Variants in SOCS7 observed in about 807,000 individuals in gnomAD.
The protein encoded by SOCS7 is NAP-4.
SOCS7 carries 18 observed loss-of-function variants against 58.9 expected under a neutral mutation model. The ratio of observed to expected loss-of-function variants is 0.31; its 90% CI spans 0.21 to 0.45. The LOEUF (loss-of-function observed/expected upper bound fraction) is 0.45. Ranked by LOEUF, SOCS7 falls within the 20% of genes least tolerant of loss-of-function variation. The probability of loss-of-function intolerance (pLI) is 1.00; values close to 1 mark genes in which losing one functional copy is unlikely to be tolerated. For synonymous variants in SOCS7, 388 were observed against 364.3 expected (o/e 1.06, Z -0.74); for missense variants, 667 against 837.3 (o/e 0.80, Z 2.51).
intron 6 of SOCS7, among the ~76,000 whole-genome samples, chr17:38,376,548 G>A (rs375742687): frequency 3.0e-4 from 45 of 151,910 alleles, no homozygotes; most frequent in African/African-American, 1.0e-3. Context: ...CCTGACCAAC[G>A]TGGTGAAACC....
intron 7 of SOCS7, among the ~76,000 whole-genome samples, chr17:38,379,090 A>T (rs41434251): frequency 0.048 from 7,272 of 150,538 alleles, 200 homozygotes; most frequent in Middle Eastern, 0.21. Context: ...CCTGGGAGGC[A>T]GAGGCTGCAA....
intron 7 of SOCS7, among the ~76,000 whole-genome samples, chr17:38,388,122 C>T (rs1300866550): frequency 6.6e-6 from 1 of 151,950 alleles, no homozygotes; most frequent in African/African-American, 2.4e-5. Flanking sequence ...TATTGAAGCT[C>T]GTATTGTCTC....
At chr17:38,396,092 C>A (rs2038241755) in intron 9 of SOCS7, 94 bp downstream of exon 9, 2 of 1,050,336 alleles carry the variant, frequency 1.9e-6, no homozygotes, top group African/African-American at 1.6e-5. Context: ...CAACTCCCAA[C>A]ATGGATAGCC....
At chr17:38,372,659 T>A (rs1373647281) in intron 6 of SOCS7, among the ~76,000 whole-genome samples, 4 of 152,220 alleles carry the variant, frequency 2.6e-5, no homozygotes, top group African/African-American at 9.7e-5. Context: ...TGGGACCCAC[T>A]AGTGCCACTA....
chr17:38,366,038 G>A, intron 4 of SOCS7: 1 of 1,298,518 alleles, frequency 7.7e-7, no homozygotes, highest in African/African-American at 1.5e-5. Flanking sequence ...AGTAAGGTTA[G>A]TGAGCAGCTC....
At chr17:38,388,985 T>A (rs1400442538) in intron 7 of SOCS7, among the ~76,000 whole-genome samples, 1 of 152,228 alleles carries the variant, frequency 6.6e-6, no homozygotes, top group Non-Finnish European at 1.5e-5. Flanking sequence ...TTCAATTCTC[T>A]TGGATATATT....
At chr17:38,391,837 C>T (rs1486938746) in intron 7 of SOCS7, among the ~76,000 whole-genome samples, 1 of 152,146 alleles carries the variant, frequency 6.6e-6, no homozygotes, top group African/African-American at 2.4e-5. Flanking sequence ...AGATGTGATT[C>T]CTTATCTGAT....
At chr17:38,366,846 A>G (rs775994901) in intron 5 of SOCS7, among the ~76,000 whole-genome samples, 1 of 152,186 alleles carries the variant, frequency 6.6e-6, no homozygotes, top group Non-Finnish European at 1.5e-5. Flanking sequence ...CCATATTTAC[A>G]GTGACAAAAC....
chr17:38,352,814 G>A lies in SOCS7; in HGVS notation c.762G>A (p.Pro254=). 1 of 1,556,844 alleles carries A rather than the reference G, an allele frequency of 6.4e-7. No homozygotes were observed. The highest frequency in any genetic ancestry group is 8.7e-7 in the Non-Finnish European group (1 of 1,151,002). The change falls in exon 1 of 10, where the codon CCG becomes CCA. Residue 254 remains proline (P), a synonymous_variant. Coordinates refer to ENST00000612932, the MANE Select transcript of SOCS7 (RefSeq NM_014598.4). This position sits in a 1 kb window ranked among gnomAD's most constrained non-coding sequence, Gnocchi z 5.5. ...QQQQQQQQPP[P]PPPPPGPLRP... ...AGCAGCAGCAGCAGCAACCTCCCCC[G>A]CCCCCGCCTCCTCCCGGGCCCCTCC...
At chr17:38,392,184 A>G (rs1458858264) in intron 7 of SOCS7, among the ~76,000 whole-genome samples, 7 of 152,268 alleles carry the variant, frequency 4.6e-5, no homozygotes, top group African/African-American at 1.7e-4. Context: ...AAATGGTCAG[A>G]TTAATACCAG....
At chr17:38,364,890 A>G (rs2037768510) in intron 3 of SOCS7, 34 bp downstream of exon 3, 6 of 1,525,034 alleles carry the variant, frequency 3.9e-6, no homozygotes, top group Admixed American at 1.7e-5. Flanking sequence ...CTTCTTGCCT[A>G]GTGGGAGGGT....
Position 38,403,355 on chromosome 17 carries a change from G to C in SOCS7, c.*3873G>C, listed in dbSNP as rs2144422568. On this transcript the variant is annotated 3_prime_UTR_variant, in exon 10 of 10. Transcript: ENST00000612932. ...GGTCTAGGGGTGAGAGGTGGGAGTA[G>C]AACCAGAAGTGCCCTGGAATCCAGC... The C allele has an allele frequency of 6.6e-6, 1 of 152,380 alleles. No homozygotes were observed. The highest frequency in any genetic ancestry group is 2.4e-5 in the African/African-American group (1 of 41,530). The allele number at this position is 152,380 out of a possible 1,614,324, so 9.4% of individuals were successfully genotyped here.
intron 9 of SOCS7, 87 bp downstream of exon 9, chr17:38,396,085 C>A: frequency 1.8e-6 from 2 of 1,133,686 alleles, no homozygotes; most frequent in Non-Finnish European, 2.4e-6. Flanking sequence ...CTCCCCACAA[C>A]TCCCAACATG....
intron 1 of SOCS7, among the ~76,000 whole-genome samples, chr17:38,356,995 T>G (rs1207685200): frequency 1.3e-5 from 2 of 152,228 alleles, no homozygotes; most frequent in African/African-American, 4.8e-5. Flanking sequence ...CAAGATTTGT[T>G]TTTTACCAAG....
At position 38,377,812 on chromosome 17, in the gene SOCS7, T is replaced by C. The variant is rs758382136; in HGVS notation, c.1651T>C (p.Phe551Leu). 9 of 1,613,596 alleles carry C rather than the reference T, an allele frequency of 5.6e-6. No homozygotes were observed. Among genetic ancestry groups the C allele is most frequent in the Non-Finnish European group, 7.6e-6 (9 of 1,179,764 alleles). The change falls in exon 7 of 10, where the codon TTT (phenylalanine) becomes CTT (leucine). Residue 551 changes from phenylalanine (F) to leucine (L), a missense_variant. This residue lies in a region of SOCS7 where 76 missense variants were observed against 194.5 expected (regional missense o/e 0.39). Coordinates refer to ENST00000612932, the MANE Select transcript of SOCS7 (RefSeq NM_014598.4). The stretch of plus-strand genomic sequence containing the variant: ...CATTATGCACTCCAAGAATGGAAAG[T>C]TTCTCTATTTCTTAAGATCCAGGGT... ...RAIMHSKNGK[F>L]LYFLRSRVPG... is the part of the protein sequence containing the mutation.
chr17:38,387,082 TAA>T (rs1214323571), intron 7 of SOCS7, among the ~76,000 whole-genome samples: 4,292 of 47,980 alleles, frequency 0.089, 238 homozygotes, highest in Admixed American at 0.16. Flanking sequence ...ACTCTTATCT[TAA>T]AAAAAAAAAA....
In SOCS7 at chr17:38,400,953, C is replaced by T. The variant is rs947259024; in HGVS notation, c.*1471C>T. 1.1e-4 allele frequency: 16 copies of T among 152,342 alleles called. No homozygotes were observed. The highest frequency in any genetic ancestry group is 2.0e-4 in the Admixed American group (3 of 15,296). The allele number at this position is 152,342 out of a possible 1,614,324, so 9.4% of individuals were successfully genotyped here. A position where few individuals can be genotyped will look rare whatever the true frequency, so the allele number is the denominator to read the frequency against. On this transcript the variant is annotated 3_prime_UTR_variant, in exon 10 of 10. Coordinates refer to ENST00000612932, the MANE Select transcript of SOCS7 (RefSeq NM_014598.4). ...TCTTCATGACTCCTTTGCGTGTGTT[C>T]CATGGGACTCTCTTTCTGGGTTCCC...
rs1368366565 is a variant in SOCS7, at chr17:38,385,445, CT to C, written c.1681+7618del. Among the ~76,000 whole-genome samples, 713 of 92,896 alleles carry C rather than the reference CT, an allele frequency of 7.7e-3. 1 individual carries two copies. The highest frequency in any genetic ancestry group is 0.022 in the African/African-American group (349 of 15,698). 60.9% of individuals were successfully genotyped at this position (92,896 alleles called of 152,430 possible). ...TACTTCATCTGAATTTCTTTTCTTT[CT>C]TTTTTTTTTTTTTTAAATAGAAAAC... is the stretch of plus-strand genomic sequence containing the variant. On this transcript the variant is annotated intron_variant, in intron 7 of 9. Coordinates refer to ENST00000612932, the MANE Select transcript of SOCS7 (RefSeq NM_014598.4).
At chr17:38,395,233 G>T (rs34252831) in intron 7 of SOCS7, 76 bp from the exon 8 acceptor site, 1 of 1,508,252 alleles carries the variant, frequency 6.6e-7, no homozygotes, top group Admixed American at 1.8e-5. Context: ...CCCCTCCCTA[G>T]GTTCTCTTCA....
Sources: allele counts gnomAD v4.1 joint callset (sites outside exome capture counted in the v4.1 genomes callset), GRCh38; gene constraint gnomAD v4.1.1; regional missense constraint gnomAD v4.1.1; non-coding constraint Gnocchi (gnomAD v3.1); transcripts MANE v1.5; gene names NCBI Gene and HGNC (gene_info 2026-07-23, HGNC 2026-07-21).